The following ITGA1 variants were observed in gnomAD, a reference collection of about 807,000 sequenced individuals.
ITGA1 encodes integrin alpha-1.
ITGA1 carries 85 observed loss-of-function variants against 145.9 expected under a neutral mutation model. The observed-to-expected ratio is 0.58, with a 90% CI of 0.49 to 0.70. The LOEUF (loss-of-function observed/expected upper bound fraction) is 0.70, where lower values mean the gene tolerates loss of function less well. ITGA1 is among the 30% of genes least tolerant of loss of function. ITGA1 has a pLI of 0.00. For missense variants in ITGA1, 1,351 were observed against 1,418.7 expected, an observed-to-expected ratio of 0.95 and a Z score of 0.77; for synonymous variants, 520 against 495.3, an observed-to-expected ratio of 1.05 and a Z score of -0.66.
At chr5:52,951,137 G>T (rs1265716224) in intron 28 of ITGA1, among the ~76,000 whole-genome samples, 1 of 151,878 alleles carries the variant, frequency 6.6e-6, no homozygotes, top group Non-Finnish European at 1.5e-5. Flanking sequence ...TCCCCTCTAA[G>T]CCCTCAGTTG....
At chr5:52,942,984 G>A (rs1415673998) in intron 26 of ITGA1, among the ~76,000 whole-genome samples, 4 of 152,094 alleles carry the variant, frequency 2.6e-5, no homozygotes, top group African/African-American at 9.7e-5. Context: ...GAGTCTTAAG[G>A]GTTTTCTAGG....
Position 52,945,398 on chromosome 5 carries a change from C to CA in ITGA1, c.3378+369dup, listed in dbSNP as rs961117702. On this transcript the variant is annotated intron_variant, in intron 27 of 28. Transcript: ENST00000282588. ...GCAGCTGATATCTGAAGAGCAGCCG[C>CA]AAAAAACAACTTCTTTATAAAAAGT... Among the ~76,000 whole-genome samples, 10 of 151,934 alleles carry CA rather than the reference C, an allele frequency of 6.6e-5. No homozygotes were observed. The East Asian group carries it at 1.5e-3, about 23-fold the overall frequency.
At chr5:52,842,687 C>CTT (rs34210679) in intron 1 of ITGA1, among the ~76,000 whole-genome samples, 11 of 117,630 alleles carry the variant, frequency 9.4e-5, no homozygotes, top group Admixed American at 8.6e-5. Flanking sequence ...GGAGCATCAT[C>CTT]TTTTTTTTTT....
rs965513835 is a variant in ITGA1 at position 52,839,114 on chromosome 5, T to TACA, written c.62-10237_62-10235dup. On this transcript the variant is annotated intron_variant, in intron 1 of 28. Transcript: ENST00000282588. ...CCTGCCTCAAAACAAAAACAACAAC[T>TACA]ACAACAACAACAACAAAGTCACAAC... Among the ~76,000 whole-genome samples the TACA allele has an allele frequency of 1.1e-4, 17 of 151,944 alleles. No individual in the cohort carries two copies. The South Asian group carries it at 1.5e-3, about 13-fold the overall frequency.
intron 1 of ITGA1, among the ~76,000 whole-genome samples, chr5:52,799,639 G>A (rs774845521): frequency 1.3e-5 from 2 of 152,256 alleles, no homozygotes; most frequent in Non-Finnish European, 2.9e-5. Context: ...CAGACAGAAC[G>A]TGACCAGTAG....
intron 6 of ITGA1, among the ~76,000 whole-genome samples, chr5:52,880,996 CT>C (rs1284800064): frequency 1.3e-5 from 2 of 152,168 alleles, no homozygotes; most frequent in African/African-American, 4.8e-5. Context: ...TCTGGGGGCA[CT>C]TTCCCTCCTG....
intron 1 of ITGA1, among the ~76,000 whole-genome samples, chr5:52,834,412 C>T (rs983448441): frequency 5.3e-5 from 8 of 151,490 alleles, no homozygotes; most frequent in African/African-American, 9.7e-5. Context: ...GGCCTTATCT[C>T]TGTGTACATA....
intron 6 of ITGA1, among the ~76,000 whole-genome samples, chr5:52,876,514 T>C (rs1215267273): frequency 1.3e-5 from 2 of 152,178 alleles, no homozygotes; most frequent in African/African-American, 2.4e-5. Flanking sequence ...ACTTGAGTTT[T>C]TCCACTGCTC....
rs749092814 is a variant in ITGA1, at chr5:52,865,004, C to T, written c.418C>T (p.His140Tyr). 4 of 1,613,628 alleles carry T rather than the reference C, an allele frequency of 2.5e-6. No homozygotes were observed. In the East Asian group the frequency reaches 6.7e-5, roughly 27 times the overall value. Residue 140 changes from histidine to tyrosine, a missense_variant, in exon 5 of 29, where the codon CAT (histidine) becomes TAT (tyrosine). His to Tyr is a moderately conservative substitution (Grantham distance 83). Transcript: ENST00000282588. ...GCCCTTATATGCCTATAGATGTGGA[C>T]ATTTGCATTACACAACTGGAATCTG... is the stretch of plus-strand genomic sequence containing the variant. ...CGPLYAYRCG[H>Y]LHYTTGICSD...
chr5:52,821,827 T>C (rs1499276), intron 1 of ITGA1, among the ~76,000 whole-genome samples: 89,563 of 151,980 alleles, frequency 0.59, 26,849 homozygotes, highest in South Asian at 0.72. Context: ...TTTAAAATTA[T>C]GCTAGTATTT....
chr5:52,813,775 A>G (rs1233045963), intron 1 of ITGA1, among the ~76,000 whole-genome samples: 6 of 152,208 alleles, frequency 3.9e-5, no homozygotes, highest in Non-Finnish European at 7.3e-5. Context: ...CCTCTCATTC[A>G]CATCTCCTAT....
chr5:52,952,923 A>T lies in ITGA1; in HGVS notation c.*472A>T, dbSNP rs1274008261. On this transcript the variant is annotated 3_prime_UTR_variant, in exon 29 of 29. Coordinates refer to ENST00000282588, the MANE Select transcript of ITGA1 (RefSeq NM_181501.2). ...TACCTGAAAAAGATCATTTCTCCCT[A>T]TTCAAATGAGAATATTTTCCCTTGG... is the stretch of plus-strand genomic sequence containing the variant. The T allele has an allele frequency of 6.6e-6, 1 of 152,246 alleles. No homozygotes were observed. Among genetic ancestry groups the T allele is most frequent in the Non-Finnish European group, 1.5e-5 (1 of 68,078 alleles). The allele number at this position is 152,246 out of a possible 1,614,324, so 9.4% of individuals were successfully genotyped here. A position where few individuals can be genotyped will look rare whatever the true frequency, so the allele number is the denominator to read the frequency against.
In ITGA1 at chr5:52,788,366, C is replaced by A. The variant is rs1748166858; in HGVS notation, c.13C>A (p.Pro5Thr). The A allele has an allele frequency of 1.3e-6, 2 of 1,511,656 alleles. No individual in the cohort carries two copies. Among genetic ancestry groups the A allele is most frequent in the Non-Finnish European group, 1.8e-6 (2 of 1,134,212 alleles). The allele number at this position is 1,511,656 out of a possible 1,614,324, so 93.6% of individuals were successfully genotyped here. MAPR[P>T]RARPGVAVAC... ...GGCTGCTCCGGCCATGGCCCCTCGG[C>A]CCCGCGCCCGCCCAGGGGTCGCTGT... The change falls in exon 1 of 29, where the codon CCC becomes ACC. Residue 5 changes from proline (P) to threonine (T), a missense_variant. Pro to Thr is a conservative substitution (Grantham distance 38). Coordinates refer to ENST00000282588, the MANE Select transcript of ITGA1 (RefSeq NM_181501.2).
intron 1 of ITGA1, among the ~76,000 whole-genome samples, chr5:52,847,967 C>T (rs1248950601): frequency 2.6e-5 from 4 of 152,322 alleles, no homozygotes; most frequent in Non-Finnish European, 4.4e-5. Context: ...GATTCTAGAA[C>T]TTCTTTAGGA....
chr5:52,893,599 C>A, intron 8 of ITGA1, 76 bp from the exon 9 acceptor site: 1 of 1,349,860 alleles, frequency 7.4e-7, no homozygotes, highest in South Asian at 1.4e-5. Context: ...CTGTTGTTTA[C>A]TGACAAAATG....
intron 24 of ITGA1, among the ~76,000 whole-genome samples, chr5:52,937,790 C>CCCTCTGGAGGCTCCAAG (rs1354908009): frequency 6.6e-6 from 1 of 152,160 alleles, no homozygotes; most frequent in Non-Finnish European, 1.5e-5. Flanking sequence ...AGTGTTAATT[C>CCCTCTGGAGGCTCCAAG]CCTCTGGAGG....
At chr5:52,910,904 A>G (rs1451056830) in intron 14 of ITGA1, among the ~76,000 whole-genome samples, 1 of 136,750 alleles carries the variant, frequency 7.3e-6, no homozygotes, top group Non-Finnish European at 1.5e-5. Context: ...TATAGTATAT[A>G]CGGTATGTAT....
chr5:52,922,879 C>T lies in ITGA1; in HGVS notation c.2395C>T (p.His799Tyr). Reference sequence around the variant, plus strand: ...TGATGATTCTCTACCAAACTCAGTACATGAATATGTAAGTCAGATTTCTTT... The same window carrying T: ...TGATGATTCTCTACCAAACTCAGTATATGAATATGTAAGTCAGATTTCTTT... ...VLDDSLPNSV[H>Y]EYIPFAKDCG... Residue 799 changes from histidine to tyrosine, a missense_variant, in exon 18 of 29, where the codon CAT becomes TAT. Coordinates refer to ENST00000282588, the MANE Select transcript of ITGA1 (RefSeq NM_181501.2). 6.4e-7 allele frequency: 1 copy of T among 1,570,130 alleles called. No homozygotes were observed. Among genetic ancestry groups the T allele is most frequent in the Non-Finnish European group, 8.8e-7 (1 of 1,140,168 alleles).
chr5:52,828,862 A>G lies in ITGA1; in HGVS notation c.62-20503A>G, dbSNP rs1414831140. 2.0e-5 allele frequency among the ~76,000 whole-genome samples: 3 copies of G among 152,194 alleles called. No individual in the cohort carries two copies. In the East Asian group the frequency reaches 5.8e-4, roughly 29 times the overall value. On this transcript the variant is annotated intron_variant, in intron 1 of 28. Transcript: ENST00000282588. ...TTTCCAGTTTCTGATGGTTCCTGGC[A>G]ATCCTTAGCATTGCATGGCTTCTTG...
Sources: allele counts gnomAD v4.1 joint callset (sites outside exome capture counted in the v4.1 genomes callset), GRCh38; gene constraint gnomAD v4.1.1; transcripts MANE v1.5; gene names NCBI Gene and HGNC (gene_info 2026-07-23, HGNC 2026-07-21).